Variants in RNF217 observed in about 807,000 individuals in gnomAD.
RNF217 encodes the protein ring finger protein 217, also known as E3 ubiquitin-protein ligase RNF217.
Under a neutral mutation model 57.8 loss-of-function variants are expected in RNF217, and 31 were observed. The observed-to-expected ratio is 0.54, with a 90% CI of 0.40 to 0.72. The LOEUF (loss-of-function observed/expected upper bound fraction) is 0.72. RNF217 is among the 30% of genes least tolerant of loss of function. RNF217 has a pLI of 0.00. For missense variants in RNF217, 696 were observed against 708.3 expected, an observed-to-expected ratio of 0.98 and a Z score of 0.20; for synonymous variants, 313 against 294.0, an observed-to-expected ratio of 1.06 and a Z score of -0.66.
Position 124,963,143 on chromosome 6 carries a change from C to G in RNF217, c.599C>G (p.Thr200Ser), listed in dbSNP as rs2114965057. ...GAPPVLNPPSTRSSFPSPRLS... is the reference protein window; with the variant it reads ...GAPPVLNPPSSRSSFPSPRLS... ...CCGCCAGTGTTGAACCCTCCCAGCA[C>G]CCGCTCTTCCTTCCCCAGCCCCCGA... is the stretch of plus-strand genomic sequence containing the variant. The change falls in exon 1 of 6, where the codon ACC becomes AGC. Residue 200 changes from threonine to serine, a missense_variant. Around this residue, in one of 2 missense-constraint regions of RNF217, gnomAD observed 465 missense variants for 386.8 expected, o/e 1.20. Coordinates refer to ENST00000521654, the MANE Select transcript of RNF217 (RefSeq NM_001286398.3). The G allele has an allele frequency of 6.5e-7, 1 of 1,534,250 alleles. No individual in the cohort carries two copies.
At chr6:124,967,060 C>A (rs564713796) in intron 1 of RNF217, among the ~76,000 whole-genome samples, 1 of 152,218 alleles carries the variant, frequency 6.6e-6, no homozygotes, top group Admixed American at 6.5e-5. Flanking sequence ...TCTTTAGCAC[C>A]ACAGTATATG....
chr6:125,031,590 TAATGAG>T (rs745876563), intron 1 of RNF217, among the ~76,000 whole-genome samples: 1 of 152,230 alleles, frequency 6.6e-6, no homozygotes, highest in Non-Finnish European at 1.5e-5. Flanking sequence ...CACTGAATCA[TAATGAG>T]AGTCACCTTT....
At chr6:125,072,935 A>G (rs1788205546) in intron 3 of RNF217, among the ~76,000 whole-genome samples, 1 of 152,230 alleles carries the variant, frequency 6.6e-6, no homozygotes, top group Non-Finnish European at 1.5e-5. Context: ...ATGAAGAAGA[A>G]TGCCAATCTC....
intron 1 of RNF217, 83 bp from the exon 2 acceptor site, chr6:125,045,128 A>C (rs548056102): frequency 2.5e-6 from 2 of 806,864 alleles, no homozygotes; most frequent in Non-Finnish European, 4.0e-6. Flanking sequence ...GTCATGAAAT[A>C]AGTAATACTG....
intron 5 of RNF217, chr6:125,082,585 T>C: frequency 3.1e-6 from 5 of 1,600,628 alleles, no homozygotes; most frequent in Non-Finnish European, 4.3e-6. Flanking sequence ...AGTGTGCAAA[T>C]GATATGACTG....
At chr6:125,049,054 G>A (rs985316881) in intron 2 of RNF217, among the ~76,000 whole-genome samples, 4 of 151,944 alleles carry the variant, frequency 2.6e-5, no homozygotes, top group Admixed American at 2.6e-4. Context: ...AAGGCTTACC[G>A]TTCCATTTCT....
At chr6:125,063,890 A>G (rs1392389418) in intron 3 of RNF217, among the ~76,000 whole-genome samples, 3 of 152,284 alleles carry the variant, frequency 2.0e-5, no homozygotes, top group South Asian at 2.1e-4. Context: ...ACTTGTCATG[A>G]TATTTCCCTT....
At chr6:125,048,191 C>T (rs760724001) in intron 2 of RNF217, 14 of 1,349,444 alleles carry the variant, frequency 1.0e-5, no homozygotes, top group Non-Finnish European at 1.4e-5. Flanking sequence ...GCCAACCAAT[C>T]GTGAGATTCA....
At chr6:125,035,144 C>G (rs1409040264) in intron 1 of RNF217, among the ~76,000 whole-genome samples, 2 of 152,178 alleles carry the variant, frequency 1.3e-5, no homozygotes, top group African/African-American at 2.4e-5. Context: ...CATCTGCAAA[C>G]AGGGACAATT....
In RNF217 at chr6:125,082,455, A is replaced by G. The variant is rs747181330; in HGVS notation, c.1556-409A>G. The G allele has an allele frequency of 3.1e-6, 5 of 1,609,882 alleles. No homozygotes were observed. Among genetic ancestry groups the G allele is most frequent in the Non-Finnish European group, 4.2e-6 (5 of 1,177,684 alleles). Reference sequence around the variant, plus strand: ...TATTATCTGTATTATACAGTTGAGGAAATTAAGACTTACTGGAACCTCATA... The same window carrying G: ...TATTATCTGTATTATACAGTTGAGGGAATTAAGACTTACTGGAACCTCATA... On this transcript the variant is annotated intron_variant, in intron 5 of 5. Coordinates refer to ENST00000521654, the MANE Select transcript of RNF217 (RefSeq NM_001286398.3).
At chr6:125,007,249 A>ATT (rs35223447) in intron 1 of RNF217, among the ~76,000 whole-genome samples, 5,304 of 142,552 alleles carry the variant, frequency 0.037, 147 homozygotes, top group Non-Finnish European at 0.053. Context: ...CACTTTGAGC[A>ATT]TTTTTTTTTT....
At chr6:125,056,915 G>A (rs146556967) in intron 2 of RNF217, among the ~76,000 whole-genome samples, 1 of 152,182 alleles carries the variant, frequency 6.6e-6, no homozygotes, top group East Asian at 1.9e-4. Context: ...CATGTCAAGT[G>A]GAAGACAGAT....
chr6:125,052,326 ATTTGTTTTGT>A (rs557558665), intron 2 of RNF217, among the ~76,000 whole-genome samples: 28 of 129,990 alleles, frequency 2.2e-4, no homozygotes, highest in Non-Finnish European at 2.2e-4. Context: ...GTGTGGTTTT[ATTTGTTTTGT>A]TTTGTTTTGT....
chr6:125,031,092 G>A (rs564461982), intron 1 of RNF217, among the ~76,000 whole-genome samples: 13 of 152,354 alleles, frequency 8.5e-5, no homozygotes, highest in East Asian at 7.7e-4. Context: ...GCCACAGCCC[G>A]AGCTGTATGT....
In RNF217 at chr6:124,963,039, C is replaced by T. The variant is rs762661269; in HGVS notation, c.495C>T (p.Ser165=). 1 of 1,586,356 alleles carries T rather than the reference C, an allele frequency of 6.3e-7. No individual in the cohort carries two copies. The highest frequency in any genetic ancestry group is 1.3e-5 in the African/African-American group (1 of 74,802). ...PSLAKRQVFC[S]VYCVESDLPE... The stretch of plus-strand genomic sequence containing the variant: ...TCGCCAAGAGACAAGTCTTCTGCTC[C>T]GTGTACTGCGTGGAGAGCGACCTGC... Residue 165 remains serine, a synonymous_variant, in exon 1 of 6, where the codon TCC becomes TCT. Coordinates refer to ENST00000521654, the MANE Select transcript of RNF217 (RefSeq NM_001286398.3).
rs568527271 is a variant in RNF217, at chr6:125,077,425, A to T, written c.1483+567A>T. 2.0e-5 allele frequency among the ~76,000 whole-genome samples: 3 copies of T among 152,288 alleles called. No individual in the cohort carries two copies. The East Asian group carries it at 5.8e-4, about 29-fold the overall frequency. On this transcript the variant is annotated intron_variant, in intron 4 of 5. Transcript: ENST00000521654. The stretch of plus-strand genomic sequence containing the variant: ...AATGCCCTCAGTGCATACAAACCCA[A>T]GTTTAATTATCCAAGTGAAAATGCT...
chr6:124,996,108 A>G, intron 1 of RNF217, among the ~76,000 whole-genome samples: 1 of 152,108 alleles, frequency 6.6e-6, no homozygotes, highest in East Asian at 1.9e-4. Flanking sequence ...TTGTTTTCCA[A>G]AGTGGTTGTG....
chr6:125,014,388 G>A (rs1042543884), intron 1 of RNF217, among the ~76,000 whole-genome samples: 4 of 152,190 alleles, frequency 2.6e-5, no homozygotes, highest in Non-Finnish European at 5.9e-5. Flanking sequence ...ATATGTAGAT[G>A]AGGAAACTGA....
intron 1 of RNF217, among the ~76,000 whole-genome samples, chr6:125,029,066 C>A: frequency 6.6e-6 from 1 of 152,124 alleles, no homozygotes; most frequent in African/African-American, 2.4e-5. Flanking sequence ...ACAGGATTCT[C>A]TAAAATGTAT....
Sources: allele counts gnomAD v4.1 joint callset (sites outside exome capture counted in the v4.1 genomes callset), GRCh38; gene constraint gnomAD v4.1.1; regional missense constraint gnomAD v4.1.1; transcripts MANE v1.5; gene names NCBI Gene and HGNC (gene_info 2026-07-23, HGNC 2026-07-21).